PTK2: variants seen among roughly 807,000 people sequenced by gnomAD.
PTK2 encodes the protein protein tyrosine kinase 2.
PTK2 carries 45 observed loss-of-function variants against 150.1 expected under a neutral mutation model. The observed-to-expected ratio is 0.30, with a 90% confidence interval of 0.24 to 0.38. The LOEUF (loss-of-function observed/expected upper bound fraction) is 0.38. Among genes scored for constraint, PTK2 ranks in the 10% least tolerant of loss-of-function variants. The probability of loss-of-function intolerance (pLI) is 1.00; values close to 1 mark genes in which losing one functional copy is unlikely to be tolerated. For missense variants in PTK2, 919 were observed against 1,307.3 expected (o/e 0.70, Z 4.58); for synonymous variants, 432 against 449.2 (o/e 0.96, Z 0.48).
intron 5 of PTK2, among the ~76,000 whole-genome samples, chr8:140,850,741 A>AG (rs746970813): frequency 3.9e-5 from 6 of 152,166 alleles, no homozygotes; most frequent in East Asian, 1.9e-4. Flanking sequence ...AAAAAGAAAA[A>AG]GAAAAAAAAA....
intron 1 of PTK2, among the ~76,000 whole-genome samples, chr8:140,992,252 A>G (rs985919785): frequency 1.7e-4 from 26 of 149,482 alleles, no homozygotes; most frequent in African/African-American, 6.1e-4. Context: ...AGACTGCGCC[A>G]CTGCCCTCCA....
chr8:140,777,956 A>G (rs1223646565), intron 14 of PTK2, among the ~76,000 whole-genome samples: 1 of 152,180 alleles, frequency 6.6e-6, no homozygotes, highest in African/African-American at 2.4e-5. Flanking sequence ...CCTCTATCCC[A>G]TAAATATCCC....
At chr8:140,733,148 G>T (rs576546378) in intron 22 of PTK2, among the ~76,000 whole-genome samples, 1 of 152,266 alleles carries the variant, frequency 6.6e-6, no homozygotes, top group African/African-American at 2.4e-5. Flanking sequence ...GATGGAGGGT[G>T]GGGGGCAGGC....
At chr8:140,951,794 G>A (rs567200798) in intron 1 of PTK2, among the ~76,000 whole-genome samples, 7 of 151,988 alleles carry the variant, frequency 4.6e-5, no homozygotes, top group East Asian at 1.9e-4. Context: ...TGAAATGGGC[G>A]CATCATTTGA....
chr8:140,902,783 T>C (rs1048283342), intron 2 of PTK2, among the ~76,000 whole-genome samples: 14 of 152,194 alleles, frequency 9.2e-5, no homozygotes, highest in Middle Eastern at 3.4e-3. Flanking sequence ...TTCATATCCT[T>C]CGCCCACTTT....
At chr8:140,930,452 T>C (rs2100171280) in intron 1 of PTK2, among the ~76,000 whole-genome samples, 1 of 152,192 alleles carries the variant, frequency 6.6e-6, no homozygotes, top group Non-Finnish European at 1.5e-5. Flanking sequence ...CTTCTTAAGG[T>C]AAAAACATAG....
chr8:140,791,753 GGAA>G (rs1393195543), intron 13 of PTK2, among the ~76,000 whole-genome samples: 21 of 152,270 alleles, frequency 1.4e-4, no homozygotes, highest in African/African-American at 4.8e-4. Context: ...AAAGGGGGTT[GGAA>G]GAAGAGTGGA....
At chr8:140,925,701 G>A (rs2100169186) in exon 2 of PTK2, 1 of 982,536 alleles carries the variant, frequency 1.0e-6, no homozygotes, top group Non-Finnish European at 1.2e-6. Context: ...GGAAACTGCA[G>A]AAGGCACTGA....
chr8:140,938,420 G>A (rs984212987), intron 1 of PTK2, among the ~76,000 whole-genome samples: 2 of 152,174 alleles, frequency 1.3e-5, no homozygotes, highest in African/African-American at 4.8e-5. Context: ...TAATCCCCTT[G>A]CTGCAGACAT....
chr8:140,793,636 T>C (rs1036805680), intron 12 of PTK2, among the ~76,000 whole-genome samples: 24 of 152,286 alleles, frequency 1.6e-4, no homozygotes, highest in Middle Eastern at 3.4e-3. Context: ...AGATGCTAAG[T>C]TGGTGAAAGA....
chr8:140,668,509 A>G, intron 29 of PTK2, 85 bp from the exon 34 acceptor site: 1 of 1,438,722 alleles, frequency 7.0e-7, no homozygotes, highest in Non-Finnish European at 9.4e-7. Flanking sequence ...GGTCTTTACA[A>G]GAGATCAAAG....
At chr8:140,771,779 A>ATT (rs34027936) in intron 14 of PTK2, among the ~76,000 whole-genome samples, 101 of 135,048 alleles carry the variant, frequency 7.5e-4, no homozygotes, top group African/African-American at 2.5e-3. Flanking sequence ...TCCTATTAAC[A>ATT]TTTTTTTTTT....
chr8:140,811,699 T>G (rs148644727), intron 10 of PTK2, among the ~76,000 whole-genome samples: 1 of 151,796 alleles, frequency 6.6e-6, no homozygotes, highest in African/African-American at 2.4e-5. Context: ...AGAGAAAAAA[T>G]AGCCAGAATA....
chr8:140,799,725 G>A (rs2100093824), intron 12 of PTK2, among the ~76,000 whole-genome samples: 1 of 152,172 alleles, frequency 6.6e-6, no homozygotes, highest in Admixed American at 6.5e-5. Flanking sequence ...ATAGAAGACA[G>A]TTACTGTTCT....
At chr8:140,710,618 C>A (rs1283389950) in intron 23 of PTK2, among the ~76,000 whole-genome samples, 2 of 152,032 alleles carry the variant, frequency 1.3e-5, no homozygotes, top group East Asian at 3.9e-4. Flanking sequence ...TTGCGGTGAG[C>A]CGAGATCGCA....
Position 140,948,184 on chromosome 8 carries a change from A to C in PTK2, c.-121-22435T>G, listed in dbSNP as rs935170854. Among the ~76,000 whole-genome samples, 8 of 152,330 alleles carry C rather than the reference A, an allele frequency of 5.3e-5. No homozygotes were observed. The South Asian group carries it at 1.7e-3, about 32-fold the overall frequency. The stretch of plus-strand genomic sequence containing the variant: ...AAAAGAAACAAATACCGGAGAAAAC[A>C]AAGAGAAAAACTGGCCTTGAAAGAA... On this transcript the variant is annotated intron_variant, in intron 1 of 31. Coordinates refer to ENST00000522684, the Ensembl canonical transcript of PTK2.
At chr8:140,991,532 A>G (rs905750764) in intron 1 of PTK2, among the ~76,000 whole-genome samples, 4 of 152,206 alleles carry the variant, frequency 2.6e-5, no homozygotes, top group Non-Finnish European at 5.9e-5. Flanking sequence ...CCTAAAAAAC[A>G]TATTTAGATT....
At chr8:140,843,528 A>G (rs1417520665) in intron 7 of PTK2, among the ~76,000 whole-genome samples, 1 of 151,688 alleles carries the variant, frequency 6.6e-6, no homozygotes, top group Non-Finnish European at 1.5e-5. Context: ...AGGCTTCCAC[A>G]GTGACCCTGA....
At chr8:140,766,748 T>C (rs1158392410) in intron 14 of PTK2, among the ~76,000 whole-genome samples, 1 of 152,176 alleles carries the variant, frequency 6.6e-6, no homozygotes, top group Non-Finnish European at 1.5e-5. Context: ...AGCACAGAAG[T>C]GAATGGTAGA....
Sources: gnomAD v4.1 joint callset for allele counts (sites outside exome capture counted in the v4.1 genomes callset) on GRCh38, gnomAD v4.1.1 for gene constraint, MANE v1.5 for transcripts, NCBI Gene and HGNC (gene_info 2026-07-23, HGNC 2026-07-21) for gene names.